Variants in CAMK1D observed in about 807,000 individuals in gnomAD.
CAMK1D encodes calcium/calmodulin-dependent protein kinase type 1D.
CAMK1D carries 9 observed loss-of-function variants against 47.7 expected under a neutral mutation model. The observed-to-expected ratio is 0.19, with a 90% CI of 0.11 to 0.33. The LOEUF is 0.33. CAMK1D is among the 10% of genes least tolerant of loss of function. CAMK1D has a pLI of 1.00. For synonymous variants in CAMK1D, 184 were observed against 184.9 expected, an observed-to-expected ratio of 0.99 and a Z score of 0.04; for missense variants, 291 against 488.7, an observed-to-expected ratio of 0.60 and a Z score of 3.81.
chr10:12,652,398 G>A lies in CAMK1D; in HGVS notation c.225-14338G>A, dbSNP rs575992814. Among the ~76,000 whole-genome samples the A allele has an allele frequency of 4.2e-3, 614 of 147,378 alleles. 2 individuals carry two copies. The highest frequency in any genetic ancestry group is 4.0e-3 in the Non-Finnish European group (269 of 67,034). On this transcript the variant is annotated intron_variant, in intron 2 of 10. Transcript: ENST00000619168. ...AGATCAAGACCATCCTGGCTAACAC[G>A]GTGAAACCCCGTCACTACTAAAAAT...
At chr10:12,491,154 TGTGTGTGTGTGTGTGTCTGC>T (rs1834372805) in intron 1 of CAMK1D, among the ~76,000 whole-genome samples, 1 of 151,602 alleles carries the variant, frequency 6.6e-6, no homozygotes, top group Non-Finnish European at 1.5e-5. Flanking sequence ...AGAGTATGTG[TGTGTGTGTGTGTGTGTCTGC>T]GTGCATGTGT....
At chr10:12,496,480 G>A (rs79884840) in intron 1 of CAMK1D, among the ~76,000 whole-genome samples, 1,628 of 152,162 alleles carry the variant, frequency 0.011, 55 homozygotes, top group South Asian at 0.092. Context: ...TGGAGGAGAG[G>A]GCACAGAAGA....
At chr10:12,441,042 C>T (rs1832770177) in intron 1 of CAMK1D, among the ~76,000 whole-genome samples, 1 of 152,222 alleles carries the variant, frequency 6.6e-6, no homozygotes, top group Non-Finnish European at 1.5e-5. Flanking sequence ...GAAAAAGCAG[C>T]CCTTGCTAAG....
At chr10:12,668,434 TA>T (rs932847126) in intron 3 of CAMK1D, among the ~76,000 whole-genome samples, 5 of 152,302 alleles carry the variant, frequency 3.3e-5, no homozygotes, top group Admixed American at 1.3e-4. Flanking sequence ...AAATATCAGT[TA>T]AAGCACCTCA....
chr10:12,670,278 T>G lies in CAMK1D; in HGVS notation c.299+3468T>G, dbSNP rs531836461. On this transcript the variant is annotated intron_variant, in intron 3 of 10. Coordinates refer to ENST00000619168, the MANE Select transcript of CAMK1D (RefSeq NM_153498.4). ...ATTTGCATGTCTCGATGATGAATCA[T>G]GTTGATCATTTTTTTATGCCCCGAT... 1.8e-3 allele frequency among the ~76,000 whole-genome samples: 274 copies of G among 152,224 alleles called. 1 individual carries two copies. Among genetic ancestry groups the G allele is most frequent in the Non-Finnish European group, 2.8e-3 (192 of 68,010 alleles).
At chr10:12,754,508 G>C (rs894745695) in intron 3 of CAMK1D, among the ~76,000 whole-genome samples, 2 of 152,226 alleles carry the variant, frequency 1.3e-5, no homozygotes, top group Non-Finnish European at 2.9e-5. Flanking sequence ...AATATATAAA[G>C]AGAATGTATA....
chr10:12,580,169 AG>A (rs1261775767), intron 2 of CAMK1D, among the ~76,000 whole-genome samples: 1 of 152,118 alleles, frequency 6.6e-6, no homozygotes, highest in Non-Finnish European at 1.5e-5. Flanking sequence ...TTAGTCATTC[AG>A]ACCTGGCTGT....
rs183544020 is a variant in CAMK1D at position 12,694,413 on chromosome 10, A to G, written c.299+27603A>G. ...ATGTTATATATCATATATAAAATAT[A>G]AAATATATATGTTATATATCATATA... On this transcript the variant is annotated intron_variant, in intron 3 of 10. Transcript: ENST00000619168. Among the ~76,000 whole-genome samples, 348 of 85,700 alleles carry G rather than the reference A, an allele frequency of 4.1e-3. 7 individuals carry two copies. The highest frequency in any genetic ancestry group is 0.015 in the African/African-American group (304 of 20,236). 56.2% of individuals were successfully genotyped at this position (85,700 alleles called of 152,430 possible). A position where few individuals can be genotyped will look rare whatever the true frequency, so the allele number is the denominator to read the frequency against.
At chr10:12,814,022 C>G (rs141661390) in intron 6 of CAMK1D, among the ~76,000 whole-genome samples, 173 bp from the exon 7 acceptor site, 5 of 151,734 alleles carry the variant, frequency 3.3e-5, no homozygotes, top group African/African-American at 1.2e-4. Context: ...CTCCTGGCCT[C>G]AAGTGATCTG....
intron 3 of CAMK1D, among the ~76,000 whole-genome samples, chr10:12,684,504 AT>A (rs1224590121): frequency 6.6e-6 from 1 of 152,290 alleles, no homozygotes; most frequent in South Asian, 2.1e-4. Context: ...TTAAAAAAAA[AT>A]GTATTCCTCA....
chr10:12,576,836 C>T (rs930516987), intron 2 of CAMK1D, among the ~76,000 whole-genome samples: 3 of 152,154 alleles, frequency 2.0e-5, no homozygotes. Context: ...GTAGACAAAT[C>T]CATGCTGGTG....
chr10:12,655,715 AG>A (rs1475079759), intron 2 of CAMK1D, among the ~76,000 whole-genome samples: 2 of 152,218 alleles, frequency 1.3e-5, no homozygotes, highest in African/African-American at 2.4e-5. Context: ...GGACCTCTAG[AG>A]CCATTCTAGA....
At chr10:12,683,084 G>A (rs890174366) in intron 3 of CAMK1D, among the ~76,000 whole-genome samples, 2 of 130,148 alleles carry the variant, frequency 1.5e-5, no homozygotes, top group Non-Finnish European at 3.3e-5. Context: ...ACCTCACCCA[G>A]CTAATTTTTT....
chr10:12,599,857 T>C (rs1838250981), intron 2 of CAMK1D, among the ~76,000 whole-genome samples: 1 of 152,202 alleles, frequency 6.6e-6, no homozygotes, highest in South Asian at 2.1e-4. Context: ...AGCTAGAGGA[T>C]TGTTAAATGC....
chr10:12,354,247 A>G (rs189355327), intron 1 of CAMK1D, among the ~76,000 whole-genome samples: 1 of 152,212 alleles, frequency 6.6e-6, no homozygotes, highest in Admixed American at 6.6e-5. Context: ...ATGGCTGGAC[A>G]AGGCATCGTG....
chr10:12,814,911 A>G lies in CAMK1D; in HGVS notation c.754+604A>G, dbSNP rs866871821. Among the ~76,000 whole-genome samples, 6 of 152,180 alleles carry G rather than the reference A, an allele frequency of 3.9e-5. 1 individual carries two copies. The highest frequency in any genetic ancestry group is 6.8e-3 in the Middle Eastern group (2 of 292). On this transcript the variant is annotated intron_variant, in intron 7 of 10. Transcript: ENST00000619168. ...CTGAGAGATGGGGACCCACTCATCC[A>G]CCTCTTCTAGCCATGCCCTGTTCTG...
At chr10:12,739,850 C>G (rs939500783) in intron 3 of CAMK1D, among the ~76,000 whole-genome samples, 3 of 152,132 alleles carry the variant, frequency 2.0e-5, no homozygotes, top group Non-Finnish European at 4.4e-5. Context: ...TTTTTCCTTC[C>G]TGTAACCTGG....
At chr10:12,658,665 C>T (rs1280916197) in intron 2 of CAMK1D, among the ~76,000 whole-genome samples, 1 of 152,094 alleles carries the variant, frequency 6.6e-6, no homozygotes, top group African/African-American at 2.4e-5. Flanking sequence ...CACCGGCAGA[C>T]CCACAGGCAG....
At chr10:12,544,670 C>T (rs772706626) in intron 1 of CAMK1D, among the ~76,000 whole-genome samples, 35 of 152,238 alleles carry the variant, frequency 2.3e-4, no homozygotes, top group African/African-American at 6.0e-4. Flanking sequence ...AAACATATTA[C>T]GGAGGAGAAA....
Sources: gnomAD v4.1 joint callset for allele counts (sites outside exome capture counted in the v4.1 genomes callset) on GRCh38, gnomAD v4.1.1 for gene constraint, MANE v1.5 for transcripts, NCBI Gene and HGNC (gene_info 2026-07-23, HGNC 2026-07-21) for gene names.